The following RIPOR3 variants were observed in gnomAD, a reference collection of about 807,000 sequenced individuals.
RIPOR3 encodes the protein family with sequence similarity 65 member C.
Under a neutral mutation model 114.3 loss-of-function variants are expected in RIPOR3, and 95 were observed. The ratio of observed to expected loss-of-function variants is 0.83; its 90% CI spans 0.70 to 0.99. The LOEUF is 0.99. RIPOR3 is among the 50% of genes least tolerant of loss of function. The pLI, the probability that RIPOR3 is intolerant of heterozygous loss-of-function variation, is 0.00. For missense variants in RIPOR3, 1,252 were observed against 1,266.9 expected (o/e 0.99, Z 0.18); for synonymous variants, 575 against 543.8 (o/e 1.06, Z -0.80).
At chr20:50,626,747 C>T (rs1219209691) in intron 2 of RIPOR3, among the ~76,000 whole-genome samples, 4 of 152,194 alleles carry the variant, frequency 2.6e-5, no homozygotes, top group East Asian at 3.8e-4. Flanking sequence ...TTGGGCCAGG[C>T]GCGGTGGCTC....
At chr20:50,650,028 G>A (rs2085546055) in intron 1 of RIPOR3, among the ~76,000 whole-genome samples, 1 of 152,178 alleles carries the variant, frequency 6.6e-6, no homozygotes, top group Non-Finnish European at 1.5e-5. Context: ...TGGTGGGTCG[G>A]GGAGTGGGGC....
chr20:50,681,659 C>G (rs1387342162), intron 1 of RIPOR3, among the ~76,000 whole-genome samples: 1 of 152,206 alleles, frequency 6.6e-6, no homozygotes, highest in Non-Finnish European at 1.5e-5. Flanking sequence ...AAAGTGCATG[C>G]AACAGTGCCT....
At chr20:50,683,874 A>T (rs924541473) in intron 1 of RIPOR3, among the ~76,000 whole-genome samples, 12 of 152,034 alleles carry the variant, frequency 7.9e-5, no homozygotes, top group African/African-American at 2.9e-4. Context: ...TGAAGTCAGT[A>T]GTTCAAGACC....
In RIPOR3 at chr20:50,587,102, CAGGT is replaced by C. The variant is rs2082943501; in HGVS notation, c.*126_*129del. On this transcript the variant is annotated 3_prime_UTR_variant, in exon 22 of 22. Coordinates refer to ENST00000327979, the MANE Select transcript of RIPOR3 (RefSeq NM_001290268.2). The stretch of plus-strand genomic sequence containing the variant: ...GGGGCTGGGTCAATGGCCGGAGTCT[CAGGT>C]AGAGCTCTGGGCAGCTCACACTCCT... 8.5e-6 allele frequency: 6 copies of C among 707,696 alleles called. No individual in the cohort carries two copies. In the South Asian group the frequency reaches 1.1e-4, roughly 12 times the overall value. The allele number at this position is 707,696 out of a possible 1,614,324, so 43.8% of individuals were successfully genotyped here.
At chr20:50,604,146 C>T (rs948760080) in intron 12 of RIPOR3, among the ~76,000 whole-genome samples, 3 of 150,894 alleles carry the variant, frequency 2.0e-5, no homozygotes, top group African/African-American at 4.9e-5. Context: ...CATTGCGTGA[C>T]TGCACTCCAG....
At position 50,594,628 on chromosome 20, in the gene RIPOR3, T is replaced by TGGCAG. The variant is rs1393258651; in HGVS notation, c.2132_2136dup (p.Thr713LeufsTer6). The TGGCAG allele has an allele frequency of 6.2e-6, 10 of 1,613,850 alleles. No homozygotes were observed. The African/African-American group carries it at 8.0e-5, about 13-fold the overall frequency. ...TTCTTGAGCTGGTTCAGCAGCGTCG[T>TGGCAG]GGCAGGGCAGGACAGGACCCTGCCA... is the stretch of plus-strand genomic sequence containing the variant. On this transcript the variant is annotated frameshift_variant, in exon 17 of 22. Transcript: ENST00000327979. LOFTEE classifies it high-confidence loss of function.
At chr20:50,590,555 GTGTC>G (rs1357783092) in intron 19 of RIPOR3, among the ~76,000 whole-genome samples, 2 of 152,216 alleles carry the variant, frequency 1.3e-5, no homozygotes, top group African/African-American at 4.8e-5. Flanking sequence ...GCTCTCCAAA[GTGTC>G]TGCTGCTTTG....
chr20:50,627,720 A>G (rs1183690467), intron 2 of RIPOR3, among the ~76,000 whole-genome samples: 1 of 152,136 alleles, frequency 6.6e-6, no homozygotes, highest in Non-Finnish European at 1.5e-5. Flanking sequence ...TGGGAGGATC[A>G]TTTGAACCAA....
intron 1 of RIPOR3, among the ~76,000 whole-genome samples, chr20:50,679,468 T>C (rs6020680): frequency 0.82 from 123,174 of 150,396 alleles, 51,203 homozygotes; most frequent in East Asian, 0.96. Context: ...CATGGCAAGA[T>C]CCCATCTCCA....
intron 1 of RIPOR3, among the ~76,000 whole-genome samples, chr20:50,675,959 A>G (rs2086664556): frequency 6.6e-6 from 1 of 152,168 alleles, no homozygotes; most frequent in Non-Finnish European, 1.5e-5. Context: ...CCCAGAAATC[A>G]TTCCTGGGTC....
chr20:50,587,179 TG>T lies in RIPOR3; in HGVS notation c.*52del. 1.4e-6 allele frequency: 2 copies of T among 1,406,110 alleles called. No individual in the cohort carries two copies. The highest frequency in any genetic ancestry group is 2.0e-6 in the Non-Finnish European group (2 of 993,518). The allele number at this position is 1,406,110 out of a possible 1,614,324, so 87.1% of individuals were successfully genotyped here. ...CCCAGAGTGCAGGCTATGTCCAGGCTGGGCAGCAGCAAAAAAAACGATGTGA... is the reference window on the plus strand; with the variant it reads ...CCCAGAGTGCAGGCTATGTCCAGGCTGGCAGCAGCAAAAAAAACGATGTGA... On this transcript the variant is annotated 3_prime_UTR_variant, in exon 22 of 22. Transcript: ENST00000327979.
At chr20:50,625,555 C>A (rs1330048135) in intron 2 of RIPOR3, among the ~76,000 whole-genome samples, 1 of 152,230 alleles carries the variant, frequency 6.6e-6, no homozygotes, top group Non-Finnish European at 1.5e-5. Context: ...AGCCTCCTCT[C>A]CTTGAAACTT....
chr20:50,633,544 T>C (rs2084887608), intron 1 of RIPOR3, among the ~76,000 whole-genome samples: 1 of 151,812 alleles, frequency 6.6e-6, no homozygotes, highest in South Asian at 2.1e-4. Flanking sequence ...AAGGACGGAG[T>C]AGGGAGGGAT....
chr20:50,615,793 C>T (rs1025787176), intron 4 of RIPOR3, among the ~76,000 whole-genome samples: 5 of 152,134 alleles, frequency 3.3e-5, no homozygotes, highest in African/African-American at 9.7e-5. Flanking sequence ...CTTCTAGAAC[C>T]GAGAGACAGT....
chr20:50,636,004 T>G (rs1283414081), intron 1 of RIPOR3, among the ~76,000 whole-genome samples: 1 of 152,212 alleles, frequency 6.6e-6, no homozygotes, highest in East Asian at 1.9e-4. Context: ...CTTCAGGGTG[T>G]TGCAGCCCCA....
At chr20:50,596,330 A>T (rs2083289966) in intron 14 of RIPOR3, 67 bp from the exon 15 acceptor site, 1 of 1,596,422 alleles carries the variant, frequency 6.3e-7, no homozygotes, top group Non-Finnish European at 8.6e-7. Flanking sequence ...GGGTGGGGGA[A>T]CCCTCCCTTC....
rs74175509 is a variant in RIPOR3, at chr20:50,615,108, A to AGAGTGTGTGTGTGTGTGTGT, written c.348+893_348+894insACACACACACACACACACTC. ...AATTTAATGGGGCATGCTATTTGTG[A>AGAGTGTGTGTGTGTGTGTGT]GTGTGTGTGTGTGTGTGTGTGTGTG... On this transcript the variant is annotated intron_variant, in intron 4 of 21. Coordinates refer to ENST00000327979, the MANE Select transcript of RIPOR3 (RefSeq NM_001290268.2). Among the ~76,000 whole-genome samples the AGAGTGTGTGTGTGTGTGTGT allele has an allele frequency of 7.2e-5, 10 of 138,514 alleles. No homozygotes were observed. The Middle Eastern group carries it at 0.011, about 152-fold the overall frequency. 90.9% of individuals were successfully genotyped at this position (138,514 alleles called of 152,430 possible).
chr20:50,663,627 G>A (rs548737433), intron 1 of RIPOR3, among the ~76,000 whole-genome samples: 3 of 152,208 alleles, frequency 2.0e-5, no homozygotes, highest in Admixed American at 6.5e-5. Context: ...ACAGCCTTTC[G>A]GTACCTTTCT....
chr20:50,613,205 T>TG (rs1161476330), intron 4 of RIPOR3, among the ~76,000 whole-genome samples: 1 of 152,144 alleles, frequency 6.6e-6, no homozygotes, highest in Non-Finnish European at 1.5e-5. Context: ...CCTAGCCTTT[T>TG]GGGAGGCCGA....
Sources: allele counts gnomAD v4.1 joint callset (sites outside exome capture counted in the v4.1 genomes callset), GRCh38; gene constraint gnomAD v4.1.1; transcripts MANE v1.5; gene names NCBI Gene and HGNC (gene_info 2026-07-23, HGNC 2026-07-21).